The following SHANK2 variants were observed in gnomAD, a reference collection of about 807,000 sequenced individuals.
SHANK2 encodes the protein SH3 and multiple ankyrin repeat domains 2, also known as SH3 and multiple ankyrin repeat domains protein 2.
In SHANK2, 43 loss-of-function variants were observed where a neutral mutation model predicts 133.7. The observed-to-expected ratio is 0.32, with a 90% CI of 0.25 to 0.41. The LOEUF (loss-of-function observed/expected upper bound fraction) is 0.41. SHANK2 is among the 10% of genes least tolerant of loss of function. The pLI, the probability that SHANK2 is intolerant of heterozygous loss-of-function variation, is 1.00. For missense variants in SHANK2, 1,994 were observed against 2,235.8 expected (o/e 0.89, Z 2.18); for synonymous variants, 1,017 against 952.8 (o/e 1.07, Z -1.24).
At chr11:70,921,530 T>G (rs1950351785) in intron 10 of SHANK2, among the ~76,000 whole-genome samples, 1 of 152,238 alleles carries the variant, frequency 6.6e-6, no homozygotes, top group Non-Finnish European at 1.5e-5. Context: ...ATTCGGCTGC[T>G]TTTCCTTTCA....
At chr11:70,860,643 GATGA>G in intron 11 of SHANK2, among the ~76,000 whole-genome samples, 1 of 152,302 alleles carries the variant, frequency 6.6e-6, no homozygotes, top group South Asian at 2.1e-4. Context: ...GAAGAAAATG[GATGA>G]ATACTTGTCC....
chr11:70,703,167 G>T (rs781790926), intron 14 of SHANK2, among the ~76,000 whole-genome samples: 2 of 152,204 alleles, frequency 1.3e-5, no homozygotes, highest in Non-Finnish European at 2.9e-5. Context: ...CTTACCAGGG[G>T]CCACACGTAT....
intron 17 of SHANK2, among the ~76,000 whole-genome samples, chr11:70,510,261 T>G (rs948512554): frequency 6.6e-6 from 1 of 151,998 alleles, no homozygotes; most frequent in Admixed American, 6.5e-5. Context: ...GGGGCCAAGG[T>G]TGGTGGCTGG....
chr11:70,483,240 C>T (rs538904521), intron 25 of SHANK2, among the ~76,000 whole-genome samples: 57 of 152,302 alleles, frequency 3.7e-4, no homozygotes, highest in South Asian at 1.0e-3. Flanking sequence ...ATGGGTGTGA[C>T]TCATACCTGC....
intron 8 of SHANK2, among the ~76,000 whole-genome samples, chr11:71,085,726 A>ATATTATAT: frequency 2.3e-5 from 1 of 43,642 alleles, no homozygotes; most frequent in Non-Finnish European, 3.7e-5. Context: ...TATATTATAT[A>ATATTATAT]AAATATAATA....
intron 3 of SHANK2, among the ~76,000 whole-genome samples, chr11:71,139,361 G>C (rs1459336319): frequency 7.3e-6 from 1 of 136,910 alleles, no homozygotes; most frequent in Non-Finnish European, 1.6e-5. Context: ...AAGGGGTAGG[G>C]GGAGGGGGGA....
intron 11 of SHANK2, among the ~76,000 whole-genome samples, chr11:70,876,085 G>A (rs186134348): frequency 2.1e-4 from 31 of 151,156 alleles, no homozygotes; most frequent in African/African-American, 7.5e-4. Flanking sequence ...GAACCCGGGA[G>A]GTGGAGGTTG....
At chr11:71,071,829 C>A (rs1272582372) in intron 9 of SHANK2, among the ~76,000 whole-genome samples, 17 of 152,108 alleles carry the variant, frequency 1.1e-4, no homozygotes, top group African/African-American at 4.1e-4. Context: ...CATGAGCCAA[C>A]AGGATGGGAG....
At chr11:70,489,499 C>T in intron 23 of SHANK2, 151 bp from the exon 24 acceptor site, 1 of 778,076 alleles carries the variant, frequency 1.3e-6, no homozygotes, top group Non-Finnish European at 2.3e-6. Context: ...AGTTATCCAC[C>T]TGAGACTCAC....
At chr11:70,921,448 C>T (rs1405066569) in intron 10 of SHANK2, among the ~76,000 whole-genome samples, 1 of 152,164 alleles carries the variant, frequency 6.6e-6, no homozygotes, top group African/African-American at 2.4e-5. Context: ...AAGTAGGGCT[C>T]CTAAGGCAAA....
intron 2 of SHANK2, among the ~76,000 whole-genome samples, chr11:71,151,901 C>G: frequency 6.6e-6 from 1 of 152,172 alleles, no homozygotes; most frequent in South Asian, 2.1e-4. Flanking sequence ...CCAGGGCTCC[C>G]GATCGCAGAC....
At chr11:70,792,310 A>T (rs1261566717) in intron 14 of SHANK2, among the ~76,000 whole-genome samples, 1 of 150,500 alleles carries the variant, frequency 6.6e-6, no homozygotes, top group Non-Finnish European at 1.5e-5. Context: ...CAACCAACCA[A>T]CCAACCAACC....
chr11:70,490,775 C>T (rs1467674998), intron 22 of SHANK2, among the ~76,000 whole-genome samples: 1 of 151,932 alleles, frequency 6.6e-6, no homozygotes, highest in Non-Finnish European at 1.5e-5. Context: ...TGGCCTGGGT[C>T]CATACCCCAC....
At chr11:70,610,198 C>T (rs903885724) in intron 17 of SHANK2, among the ~76,000 whole-genome samples, 1 of 152,020 alleles carries the variant, frequency 6.6e-6, no homozygotes, top group African/African-American at 2.4e-5. Flanking sequence ...TTTTACATTA[C>T]ATGTATTTGA....
chr11:71,196,281 TTTTTTG>T (rs2135600230), intron 2 of SHANK2, among the ~76,000 whole-genome samples: 1 of 152,140 alleles, frequency 6.6e-6, no homozygotes, highest in East Asian at 1.9e-4. Flanking sequence ...CCACCTCTGG[TTTTTTG>T]TTTTTTTCTT....
intron 17 of SHANK2, among the ~76,000 whole-genome samples, chr11:70,605,025 A>G (rs1554991906): frequency 6.6e-6 from 1 of 152,226 alleles, no homozygotes. Context: ...AGTCAGGACC[A>G]GATGGGCCTT....
intron 12 of SHANK2, among the ~76,000 whole-genome samples, chr11:70,818,847 G>A (rs541690127): frequency 1.3e-5 from 2 of 152,362 alleles, no homozygotes; most frequent in South Asian, 2.1e-4. Context: ...CTCCTTGGCT[G>A]TGGCCCCAAA....
intron 6 of SHANK2, among the ~76,000 whole-genome samples, chr11:71,107,136 G>C (rs2135200237): frequency 6.6e-6 from 1 of 152,272 alleles, no homozygotes; most frequent in Non-Finnish European, 1.5e-5. Context: ...AAGGGGAGTG[G>C]AGGGGTAATG....
At chr11:71,143,942 C>G (rs1260318021) in intron 3 of SHANK2, among the ~76,000 whole-genome samples, 3 of 151,898 alleles carry the variant, frequency 2.0e-5, no homozygotes, top group Non-Finnish European at 2.9e-5. Context: ...ACCATCCATT[C>G]ACCGAGAAAG....
Sources: allele counts gnomAD v4.1 joint callset (sites outside exome capture counted in the v4.1 genomes callset), GRCh38; gene constraint gnomAD v4.1.1; transcripts MANE v1.5; gene names NCBI Gene and HGNC (gene_info 2026-07-23, HGNC 2026-07-21).